The following RANBP2 variants were observed in gnomAD, a reference collection of about 807,000 sequenced individuals.
RANBP2 encodes RAN binding protein 2, also known as E3 SUMO-protein ligase RanBP2.
A neutral mutation model predicts 303.6 loss-of-function variants in RANBP2; 57 were observed. The ratio of observed to expected loss-of-function variants is 0.19; its 90% CI spans 0.15 to 0.23. The LOEUF (loss-of-function observed/expected upper bound fraction) is 0.23, where lower values mean the gene tolerates loss of function less well. RANBP2 is among the 10% of genes least tolerant of loss of function. The pLI is 1.00. For missense variants in RANBP2, 3,138 were observed against 3,780.8 expected (o/e 0.83, Z 4.46); for synonymous variants, 1,167 against 1,301.5 (o/e 0.90, Z 2.23).
At chr2:109,156,274 C>T in the RANBP2 span, among the ~76,000 whole-genome samples, 35 of 152,196 alleles carry the variant, frequency 2.3e-4, no homozygotes, top group Non-Finnish European at 4.9e-4. Context: ...CACCAGAGAT[C>T]GAGTTGCTAT....
At chr2:109,325,673 T>A in the RANBP2 span, among the ~76,000 whole-genome samples, 2 of 152,188 alleles carry the variant, frequency 1.3e-5, no homozygotes, top group African/African-American at 4.8e-5. Flanking sequence ...TAGAAGGTTC[T>A]TTTCTATATG....
chr2:108,740,523 G>C lies in RANBP2; in HGVS notation c.817G>C (p.Gly273Arg), dbSNP rs1468984595. ...DSALQSVKSL[G>R]GNDELSATFL... is the part of the protein sequence containing the mutation. ...TGCTCTTCAGTCTGTGAAATCTTTG[G>C]GTGGAAATGATGAACTGTCAGCTAC... The change falls in exon 7 of 29, where the codon GGT becomes CGT. Residue 273 changes from glycine (G) to arginine (R), a missense_variant. Transcript: ENST00000283195. The C allele has an allele frequency of 6.3e-7, 1 of 1,597,420 alleles. No homozygotes were observed. The highest frequency in any genetic ancestry group is 8.5e-7 in the Non-Finnish European group (1 of 1,179,760).
chr2:109,484,600 C>G, the RANBP2 span, among the ~76,000 whole-genome samples: 1 of 152,214 alleles, frequency 6.6e-6, no homozygotes, highest in African/African-American at 2.4e-5. Context: ...CAAAGCTTCC[C>G]TGGTCCATCA....
At chr2:108,814,016 A>G in the RANBP2 span, among the ~76,000 whole-genome samples, 3 of 152,150 alleles carry the variant, frequency 2.0e-5, no homozygotes, top group African/African-American at 7.2e-5. Context: ...GGCTTTTTCT[A>G]GTTTTTGTCT....
chr2:109,407,932 G>A, the RANBP2 span, among the ~76,000 whole-genome samples: 3 of 152,182 alleles, frequency 2.0e-5, no homozygotes, highest in Non-Finnish European at 4.4e-5. Flanking sequence ...ACAGTGCAGG[G>A]TGCTGGCAGT....
the RANBP2 span, among the ~76,000 whole-genome samples, chr2:109,338,965 C>T: frequency 6.6e-6 from 1 of 152,150 alleles, no homozygotes; most frequent in African/African-American, 2.4e-5. Context: ...ACATTATATA[C>T]TGTGTTCTTA....
At chr2:109,291,297 T>C in the RANBP2 span, among the ~76,000 whole-genome samples, 1 of 141,162 alleles carries the variant, frequency 7.1e-6, no homozygotes, top group Non-Finnish European at 1.6e-5. Context: ...TTTTTTTTTT[T>C]GCATTATGCT....
chr2:109,130,513 T>C, the RANBP2 span, among the ~76,000 whole-genome samples: 4 of 152,302 alleles, frequency 2.6e-5, no homozygotes, highest in Admixed American at 1.3e-4. Context: ...CCTTAACGTT[T>C]CTGACAGGGC....
At chr2:109,399,065 G>T in the RANBP2 span, 1 of 1,150,320 alleles carries the variant, frequency 8.7e-7, no homozygotes, top group South Asian at 1.5e-5. Context: ...GCCTTTTGGG[G>T]TTGAGTGGGG....
the RANBP2 span, among the ~76,000 whole-genome samples, chr2:109,762,308 CTAT>C: frequency 2.7e-5 from 4 of 149,414 alleles, no homozygotes; most frequent in Non-Finnish European, 1.5e-5. Flanking sequence ...TTACAGATAC[CTAT>C]TATTTTATAG....
At chr2:109,381,966 A>G in the RANBP2 span, among the ~76,000 whole-genome samples, 1 of 151,994 alleles carries the variant, frequency 6.6e-6, no homozygotes, top group Non-Finnish European at 1.5e-5. Context: ...AATGAGGTGG[A>G]ATTTGGCTCT....
the RANBP2 span, among the ~76,000 whole-genome samples, chr2:109,562,869 C>T: frequency 6.6e-6 from 1 of 151,808 alleles, no homozygotes; most frequent in African/African-American, 2.4e-5. Flanking sequence ...CAGAAGCATC[C>T]TATGCCTGAA....
the RANBP2 span, among the ~76,000 whole-genome samples, chr2:109,320,060 A>C: frequency 1.3e-5 from 2 of 152,124 alleles, no homozygotes; most frequent in Non-Finnish European, 1.5e-5. Flanking sequence ...TACTTCCTCG[A>C]AGCTGGGGGT....
chr2:108,889,649 T>C, the RANBP2 span, among the ~76,000 whole-genome samples: 1 of 152,164 alleles, frequency 6.6e-6, no homozygotes, highest in African/African-American at 2.4e-5. Flanking sequence ...GTATGAAATA[T>C]GTACATCACT....
the RANBP2 span, among the ~76,000 whole-genome samples, chr2:109,117,785 C>T: frequency 3.1e-4 from 47 of 152,084 alleles, no homozygotes; most frequent in South Asian, 1.5e-3. Context: ...TGGCTGCTTC[C>T]ACCCAGCATT....
chr2:109,101,949 G>C, the RANBP2 span, among the ~76,000 whole-genome samples: 1 of 152,298 alleles, frequency 6.6e-6, no homozygotes, highest in African/African-American at 2.4e-5. Flanking sequence ...CTAGCTGGAT[G>C]CTTGACAGCT....
the RANBP2 span, among the ~76,000 whole-genome samples, chr2:108,793,562 A>G: frequency 3.3e-5 from 5 of 151,998 alleles, no homozygotes; most frequent in African/African-American, 1.2e-4. Context: ...CAATTTTGCT[A>G]CTACTTATAT....
the RANBP2 span, among the ~76,000 whole-genome samples, chr2:109,167,838 T>G: frequency 8.3e-4 from 126 of 152,352 alleles, no homozygotes; most frequent in South Asian, 6.0e-3. Context: ...CCCAAAGTGC[T>G]GGGATTACAG....
chr2:109,287,694 AG>A, the RANBP2 span, among the ~76,000 whole-genome samples: 1 of 152,168 alleles, frequency 6.6e-6, no homozygotes, highest in Non-Finnish European at 1.5e-5. Context: ...ATCCTATCAG[AG>A]GCCTCAGATC....
Sources: allele counts gnomAD v4.1 joint callset (sites outside exome capture counted in the v4.1 genomes callset), GRCh38; gene constraint gnomAD v4.1.1; transcripts MANE v1.5; gene names NCBI Gene and HGNC (gene_info 2026-07-23, HGNC 2026-07-21).